The following CSPP1 variants were observed in gnomAD, a reference collection of about 807,000 sequenced individuals.
CSPP1 encodes the protein centrosome and spindle pole-associated protein 1.
Under a neutral mutation model 164.4 loss-of-function variants are expected in CSPP1, and 126 were observed. The ratio of observed to expected loss-of-function variants is 0.77; its 90% CI spans 0.66 to 0.89. The LOEUF (loss-of-function observed/expected upper bound fraction) is 0.89, where lower values mean the gene tolerates loss of function less well. CSPP1 is among the 40% of genes least tolerant of loss of function. The pLI, the probability that CSPP1 is intolerant of heterozygous loss-of-function variation, is 0.00. For synonymous variants in CSPP1, 472 were observed against 476.7 expected (o/e 0.99, Z 0.13); for missense variants, 1,395 against 1,449.8 (o/e 0.96, Z 0.61).
chr8:67,180,856 CTT>C (rs533699063), intron 28 of CSPP1, among the ~76,000 whole-genome samples: 1 of 147,128 alleles, frequency 6.8e-6, no homozygotes, highest in African/African-American at 2.5e-5. Context: ...ATGGGATCTT[CTT>C]TTTTTTTTAA....
intron 17 of CSPP1, among the ~76,000 whole-genome samples, chr8:67,140,422 G>T (rs1823268846): frequency 6.6e-6 from 1 of 152,046 alleles, no homozygotes; most frequent in African/African-American, 2.4e-5. Context: ...CTTCCCAAAA[G>T]ATTTGTTCCT....
chr8:67,152,527 A>G (rs112554547), intron 18 of CSPP1, among the ~76,000 whole-genome samples: 12 of 152,288 alleles, frequency 7.9e-5, no homozygotes, highest in Non-Finnish European at 1.5e-4. Flanking sequence ...GTGTTTCCCT[A>G]TGATTTTCCT....
rs758828605 is a variant in CSPP1, at chr8:67,149,910, A to G, written c.2103A>G (p.Leu701=). ...TAGCCACTTCAAATGCTGAGAACCT[A>G]GAAGATGCTGCAAATAAAAGCTCAG... is the stretch of plus-strand genomic sequence containing the variant. The part of the protein sequence containing the change: ...PNLATSNAEN[L]EDAANKSSGH... Residue 701 remains leucine, a synonymous_variant, in exon 18 of 31, where the codon CTA becomes CTG. Transcript: ENST00000678616. The G allele has an allele frequency of 2.5e-6, 4 of 1,571,810 alleles. No homozygotes were observed. The highest frequency in any genetic ancestry group is 2.0e-5 in the Admixed American group (1 of 49,468).
intron 3 of CSPP1, among the ~76,000 whole-genome samples, chr8:67,079,028 C>A (rs1368902626): frequency 6.6e-6 from 1 of 152,086 alleles, no homozygotes; most frequent in Non-Finnish European, 1.5e-5. Flanking sequence ...TTGATCATTA[C>A]ATTCACATAT....
In CSPP1 at chr8:67,177,325, C is replaced by G. The variant is rs139076126; in HGVS notation, c.3110-355C>G. ...GCCTGGAATTGAGCTTATTTCAGTTCCATGTGAGGGAGCCCCTGTTTAACT... is the reference window on the plus strand; with the variant it reads ...GCCTGGAATTGAGCTTATTTCAGTTGCATGTGAGGGAGCCCCTGTTTAACT... On this transcript the variant is annotated intron_variant, in intron 26 of 30. Transcript: ENST00000678616. 1.8e-3 allele frequency among the ~76,000 whole-genome samples: 275 copies of G among 152,194 alleles called. 3 individuals carry two copies. The highest frequency in any genetic ancestry group is 6.4e-3 in the African/African-American group (266 of 41,520).
chr8:67,137,716 T>C, intron 17 of CSPP1, 113 bp downstream of exon 17: 2 of 497,282 alleles, frequency 4.0e-6, no homozygotes, highest in Non-Finnish European at 6.9e-6. Context: ...AACGCATGTA[T>C]GTAACTTAAT....
chr8:67,065,965 T>A (rs1392912923), intron 1 of CSPP1, among the ~76,000 whole-genome samples: 1 of 152,220 alleles, frequency 6.6e-6, no homozygotes, highest in East Asian at 1.9e-4. Flanking sequence ...TGTTACACAT[T>A]TGAGCAGATT....
intron 30 of CSPP1, among the ~76,000 whole-genome samples, chr8:67,193,951 T>C (rs1259985840): frequency 6.6e-6 from 1 of 152,246 alleles, no homozygotes; most frequent in Non-Finnish European, 1.5e-5. Context: ...CCTAAAGACT[T>C]TGAGTTCTTT....
chr8:67,150,755 G>C (rs1563685262), intron 18 of CSPP1, among the ~76,000 whole-genome samples: 1 of 151,206 alleles, frequency 6.6e-6, no homozygotes, highest in East Asian at 1.9e-4. Context: ...AATCAATTCT[G>C]AAAGATGAAA....
intron 15 of CSPP1, among the ~76,000 whole-genome samples, chr8:67,127,854 T>C (rs1321051703): frequency 6.6e-6 from 1 of 152,252 alleles, no homozygotes. Context: ...GTTAGATAAC[T>C]GAGTGACCAG....
At chr8:67,116,948 A>T (rs1818054796) in intron 13 of CSPP1, among the ~76,000 whole-genome samples, 1 of 152,036 alleles carries the variant, frequency 6.6e-6, no homozygotes, top group South Asian at 2.1e-4. Flanking sequence ...TGTGTTTTTT[A>T]TCTGATGGCT....
At chr8:67,194,098 C>T (rs1837193791) in intron 30 of CSPP1, among the ~76,000 whole-genome samples, 2 of 152,128 alleles carry the variant, frequency 1.3e-5, no homozygotes, top group Admixed American at 1.3e-4. Flanking sequence ...TTGTGACTTG[C>T]AGGTTAAAGC....
At chr8:67,104,426 G>A (rs1814908794) in intron 8 of CSPP1, among the ~76,000 whole-genome samples, 1 of 151,808 alleles carries the variant, frequency 6.6e-6, no homozygotes, top group African/African-American at 2.4e-5. Context: ...ACTATGCCTG[G>A]CTAGTTTTTT....
At chr8:67,156,097 A>G (rs895787450) in intron 19 of CSPP1, among the ~76,000 whole-genome samples, 3 of 152,206 alleles carry the variant, frequency 2.0e-5, no homozygotes. Flanking sequence ...ATCATGGTCT[A>G]AGGTAGAATT....
chr8:67,187,804 C>T (rs1010547464), intron 28 of CSPP1, among the ~76,000 whole-genome samples: 1 of 152,190 alleles, frequency 6.6e-6, no homozygotes, highest in Non-Finnish European at 1.5e-5. Context: ...GTCTTCTCTA[C>T]AAATAATGCT....
chr8:67,177,070 C>CAAAAAAAAAAA (rs36084458), intron 26 of CSPP1, among the ~76,000 whole-genome samples: 1 of 51,864 alleles, frequency 1.9e-5, no homozygotes, highest in Admixed American at 2.1e-4. Flanking sequence ...GACTTAGTCT[C>CAAAAAAAAAAA]AAAAAAAAAA....
In CSPP1 at chr8:67,084,631, C is replaced by T. The variant is rs533850283; in HGVS notation, c.200-1376C>T. 7.3e-5 allele frequency among the ~76,000 whole-genome samples: 11 copies of T among 151,674 alleles called. No homozygotes were observed. The East Asian group carries it at 9.7e-4, about 13-fold the overall frequency. ...GTGCATGCCTGTAGTCCTAGCTACTCGGGAGGCTGAGATGGGAGGATTGCT... is the reference window on the plus strand; with the variant it reads ...GTGCATGCCTGTAGTCCTAGCTACTTGGGAGGCTGAGATGGGAGGATTGCT... On this transcript the variant is annotated intron_variant, in intron 3 of 30. Transcript: ENST00000678616.
chr8:67,084,859 CATCTA>C (rs1205355769), intron 3 of CSPP1, among the ~76,000 whole-genome samples: 1 of 152,096 alleles, frequency 6.6e-6, no homozygotes, highest in Admixed American at 6.6e-5. Context: ...TCTGAATACT[CATCTA>C]ATGTCTATGC....
chr8:67,129,599 G>A (rs1403610664), intron 15 of CSPP1, among the ~76,000 whole-genome samples: 4 of 152,056 alleles, frequency 2.6e-5, no homozygotes, highest in African/African-American at 9.7e-5. Flanking sequence ...GTCAAAAAGT[G>A]GAAACAATTC....
Sources: gnomAD v4.1 joint callset for allele counts (sites outside exome capture counted in the v4.1 genomes callset) on GRCh38, gnomAD v4.1.1 for gene constraint, MANE v1.5 for transcripts, NCBI Gene and HGNC (gene_info 2026-07-23, HGNC 2026-07-21) for gene names.